ADARB2: variants seen among roughly 807,000 people sequenced by gnomAD.
ADARB2 encodes the protein inactive double-stranded RNA-specific editase B2.
Under a neutral mutation model 62.2 loss-of-function variants are expected in ADARB2, and 25 were observed. The ratio of observed to expected loss-of-function variants is 0.40; its 90% CI spans 0.29 to 0.56. ADARB2 has a LOEUF of 0.56. Ranked by LOEUF, ADARB2 falls within the 20% of genes least tolerant of loss-of-function variation. The pLI is 0.43. For missense variants in ADARB2, 1,071 were observed against 1,077.4 expected (o/e 0.99, Z 0.08); for synonymous variants, 572 against 500.8 (o/e 1.14, Z -1.90).
intron 1 of ADARB2, among the ~76,000 whole-genome samples, chr10:1,713,083 G>GA (rs1016322570): frequency 2.0e-5 from 3 of 152,226 alleles, no homozygotes; most frequent in Admixed American, 6.5e-5. Flanking sequence ...GCCAGTTTGA[G>GA]AAAAAAAGCA....
chr10:1,675,942 A>G (rs1834461964), intron 1 of ADARB2: 1 of 943,568 alleles, frequency 1.1e-6, no homozygotes, highest in African/African-American at 1.8e-5. Context: ...GAATCTGCTC[A>G]GACTTGGAGC....
chr10:1,502,491 C>G lies in ADARB2; in HGVS notation c.101-123331G>C, dbSNP rs1368829818. Reference sequence around the variant, plus strand: ...GATTCCCAGCAAGGTTTTGGGTCACCCCTCCCAGGCTTGAATCAGTGACAC... The same window carrying G: ...GATTCCCAGCAAGGTTTTGGGTCACGCCTCCCAGGCTTGAATCAGTGACAC... On this transcript the variant is annotated intron_variant, in intron 1 of 9. Coordinates refer to ENST00000381312, the MANE Select transcript of ADARB2 (RefSeq NM_018702.4). 1.7e-4 allele frequency among the ~76,000 whole-genome samples: 26 copies of G among 152,206 alleles called. 1 individual carries two copies.
At chr10:1,500,527 C>T (rs1439271988) in intron 1 of ADARB2, among the ~76,000 whole-genome samples, 1 of 152,180 alleles carries the variant, frequency 6.6e-6, no homozygotes, top group African/African-American at 2.4e-5. Flanking sequence ...TATTTACTAA[C>T]ATAAAATAAT....
rs377612837 is a variant in ADARB2, at chr10:1,255,323, C to T, written c.1193-13024G>A. Among the ~76,000 whole-genome samples the T allele has an allele frequency of 7.9e-5, 12 of 152,384 alleles. No homozygotes were observed. The highest frequency in any genetic ancestry group is 2.1e-4 in the South Asian group (1 of 4,830). On this transcript the variant is annotated intron_variant, in intron 4 of 9. Transcript: ENST00000381312. This position sits in a 1 kb window ranked among gnomAD's most constrained non-coding sequence, Gnocchi z 4.7. Reference sequence around the variant, plus strand: ...AGGCAATCACTGGCCCTGGGTGCCACGTCACGTAGCTTGTCCTCGTCAGTG... The same window carrying T: ...AGGCAATCACTGGCCCTGGGTGCCATGTCACGTAGCTTGTCCTCGTCAGTG...
At chr10:1,327,326 A>C (rs113750922) in intron 3 of ADARB2, among the ~76,000 whole-genome samples, 6,913 of 9,524 alleles carry the variant, frequency 0.73, 2,819 homozygotes, top group African/African-American at 0.75. Context: ...TCCTCACTGC[A>C]CAGCGCCTCC....
intron 2 of ADARB2, among the ~76,000 whole-genome samples, chr10:1,375,476 C>G (rs1308449143): frequency 6.6e-6 from 1 of 152,186 alleles, no homozygotes; most frequent in Non-Finnish European, 1.5e-5. Flanking sequence ...CGCTCTGCAC[C>G]CTTAGATGAA....
chr10:1,431,386 A>AT (rs1459249371), intron 1 of ADARB2, among the ~76,000 whole-genome samples: 1 of 152,184 alleles, frequency 6.6e-6, no homozygotes, highest in Non-Finnish European at 1.5e-5. Flanking sequence ...ATTGAACCAA[A>AT]TGAAAATGAA....
At chr10:1,697,719 C>T (rs1280520364) in intron 1 of ADARB2, among the ~76,000 whole-genome samples, 2 of 152,122 alleles carry the variant, frequency 1.3e-5, no homozygotes, top group Non-Finnish European at 2.9e-5. Context: ...GAGTCCCCGG[C>T]GGGCTGACGG....
At chr10:1,220,952 T>C (rs1160733283) in intron 6 of ADARB2, among the ~76,000 whole-genome samples, 1 of 152,210 alleles carries the variant, frequency 6.6e-6, no homozygotes, top group Non-Finnish European at 1.5e-5. Flanking sequence ...GTGTTTATTT[T>C]TGGAGGTGTT....
chr10:1,716,237 T>C (rs895816417), intron 1 of ADARB2, among the ~76,000 whole-genome samples: 2 of 152,226 alleles, frequency 1.3e-5, no homozygotes, highest in African/African-American at 4.8e-5. Context: ...CTGGGCAGCC[T>C]CTGTAACTGC....
At chr10:1,588,036 G>A (rs915786441) in intron 1 of ADARB2, among the ~76,000 whole-genome samples, 13 of 152,042 alleles carry the variant, frequency 8.6e-5, no homozygotes, top group African/African-American at 2.7e-4. Flanking sequence ...AGCTGAAAGC[G>A]GACTAATGCA....
intron 1 of ADARB2, among the ~76,000 whole-genome samples, chr10:1,671,263 G>A (rs977848189): frequency 1.9e-4 from 29 of 152,108 alleles, no homozygotes; most frequent in Non-Finnish European, 2.8e-4. Context: ...TCTGTGCTCC[G>A]CTCCTCTTCC....
intron 3 of ADARB2, among the ~76,000 whole-genome samples, chr10:1,294,855 G>T (rs1053916647): frequency 5.9e-5 from 9 of 152,190 alleles, no homozygotes; most frequent in African/African-American, 2.2e-4. Context: ...CCTGCAAATT[G>T]TATTCTCCTG....
chr10:1,562,610 A>G (rs1832798471), intron 1 of ADARB2, among the ~76,000 whole-genome samples: 1 of 152,236 alleles, frequency 6.6e-6, no homozygotes, highest in Non-Finnish European at 1.5e-5. Context: ...AGTAGGTGCT[A>G]TTGAATATTC....
intron 2 of ADARB2, among the ~76,000 whole-genome samples, chr10:1,378,116 C>T (rs1832450422): frequency 1.3e-5 from 2 of 152,152 alleles, no homozygotes; most frequent in Non-Finnish European, 2.9e-5. Context: ...TGGAATGTCT[C>T]GTCTTCTTTG....
intron 8 of ADARB2, 92 bp from the exon 9 acceptor site, chr10:1,185,131 G>A (rs778365682): frequency 1.1e-4 from 155 of 1,438,788 alleles, no homozygotes; most frequent in Non-Finnish European, 1.4e-4. Context: ...GAGCCTGTAT[G>A]TGAGTGGGAA....
intron 1 of ADARB2, among the ~76,000 whole-genome samples, chr10:1,494,382 T>A (rs1334236718): frequency 6.6e-6 from 1 of 152,198 alleles, no homozygotes; most frequent in Non-Finnish European, 1.5e-5. Flanking sequence ...AATATTTGCA[T>A]AGATGGTAAA....
At chr10:1,327,498 C>G (rs1393757145) in intron 3 of ADARB2, among the ~76,000 whole-genome samples, 1 of 79,944 alleles carries the variant, frequency 1.3e-5, no homozygotes, top group Non-Finnish European at 2.7e-5. Context: ...ACAGCGCCTC[C>G]TCACTGCCCA....
intron 1 of ADARB2, among the ~76,000 whole-genome samples, chr10:1,418,369 T>A (rs969404748): frequency 2.6e-5 from 4 of 152,136 alleles, no homozygotes; most frequent in African/African-American, 9.7e-5. Context: ...TCCCGGGCAG[T>A]CCCATCTCCT....
Sources: gnomAD v4.1 joint callset for allele counts (sites outside exome capture counted in the v4.1 genomes callset) on GRCh38, gnomAD v4.1.1 for gene constraint, Gnocchi (gnomAD v3.1) non-coding constraint, MANE v1.5 for transcripts, NCBI Gene and HGNC (gene_info 2026-07-23, HGNC 2026-07-21) for gene names.